FAM13B: variants seen among roughly 807,000 people sequenced by gnomAD.
FAM13B encodes protein FAM13B.
FAM13B carries 60 observed loss-of-function variants against 117.3 expected under a neutral mutation model. The ratio of observed to expected loss-of-function variants is 0.51; its 90% confidence interval spans 0.42 to 0.63. The LOEUF (loss-of-function observed/expected upper bound fraction) is 0.63. Among genes scored for constraint, FAM13B ranks in the 30% least tolerant of loss-of-function variants. The pLI is 0.00. For missense variants in FAM13B, 972 were observed against 1,091.9 expected (o/e 0.89, Z 1.55); for synonymous variants, 332 against 356.1 (o/e 0.93, Z 0.76).
intron 1 of FAM13B, among the ~76,000 whole-genome samples, chr5:138,029,719 A>C (rs1789402071): frequency 6.6e-6 from 1 of 152,258 alleles, no homozygotes; most frequent in South Asian, 2.1e-4. Flanking sequence ...TATGTCAATC[A>C]ACAAGCAGTT....
intron 7 of FAM13B, among the ~76,000 whole-genome samples, chr5:137,993,193 A>G (rs941209294): frequency 1.3e-5 from 2 of 152,204 alleles, no homozygotes; most frequent in Admixed American, 6.5e-5. Context: ...CTTAGTAGGG[A>G]GGGAGGGGAT....
At chr5:138,030,719 C>CT (rs1352669179) in intron 1 of FAM13B, among the ~76,000 whole-genome samples, 2 of 144,782 alleles carry the variant, frequency 1.4e-5, no homozygotes, top group East Asian at 4.3e-4. Flanking sequence ...CGTCCCCCCC[C>CT]CCCAAAAAAA....
rs1728028432 is a variant in FAM13B at position 138,032,960 on chromosome 5, A to AC, written c.-382dup. 5.1e-6 allele frequency: 5 copies of AC among 985,738 alleles called. No homozygotes were observed. The South Asian group carries it at 1.4e-4, about 28-fold the overall frequency. The allele number at this position is 985,738 out of a possible 1,614,324, so 61.1% of individuals were successfully genotyped here. A position where few individuals can be genotyped will look rare whatever the true frequency, so the allele number is the denominator to read the frequency against. Reference sequence around the variant, plus strand: ...TGGCGCGGGGCCAGCCCGGTAAGCGACCCCCCGGATACCCCCGGCGGTGGT... The same window carrying AC: ...TGGCGCGGGGCCAGCCCGGTAAGCGACCCCCCCGGATACCCCCGGCGGTGGT... On this transcript the variant is annotated 5_prime_UTR_variant, in exon 1 of 24. Coordinates refer to ENST00000689681, the MANE Select transcript of FAM13B (RefSeq NM_001385994.1).
chr5:138,037,926 G>C (rs1214552403), upstream of FAM13B, among the ~76,000 whole-genome samples: 1 of 152,194 alleles, frequency 6.6e-6, no homozygotes, highest in Non-Finnish European at 1.5e-5. Context: ...CTCTGGTCAA[G>C]TTACTTAACT....
At chr5:138,044,042 C>T (rs984726014) in intron 1 of FAM13B, among the ~76,000 whole-genome samples, 1 of 152,090 alleles carries the variant, frequency 6.6e-6, no homozygotes, top group African/African-American at 2.4e-5. Context: ...CCTCAACCTC[C>T]TATGTAGCTG....
chr5:138,049,932 C>T (rs763954194), intron 1 of FAM13B, among the ~76,000 whole-genome samples: 1 of 151,964 alleles, frequency 6.6e-6, no homozygotes, highest in South Asian at 2.1e-4. Context: ...TAGAGACCAA[C>T]CTGGGCAACA....
chr5:137,987,418 C>T (rs768436098), intron 9 of FAM13B, 43 bp downstream of exon 9: 2 of 1,512,270 alleles, frequency 1.3e-6, no homozygotes, highest in Admixed American at 2.0e-5. Context: ...TAAGATAAAA[C>T]AATTTTATAA....
At chr5:138,040,719 A>G (rs1442436679) in intron 1 of FAM13B, among the ~76,000 whole-genome samples, 1 of 152,114 alleles carries the variant, frequency 6.6e-6, no homozygotes, top group Non-Finnish European at 1.5e-5. Flanking sequence ...TAAAATGCAC[A>G]CATAAAATTT....
At chr5:137,999,882 C>T (rs1780779826) in intron 7 of FAM13B, among the ~76,000 whole-genome samples, 1 of 152,010 alleles carries the variant, frequency 6.6e-6, no homozygotes, top group Non-Finnish European at 1.5e-5. Flanking sequence ...CATGAGGACC[C>T]CACCCCCATG....
intron 17 of FAM13B, among the ~76,000 whole-genome samples, chr5:137,951,536 G>A (rs1362172356): frequency 6.6e-6 from 1 of 152,004 alleles, no homozygotes; most frequent in African/African-American, 2.4e-5. Context: ...GTGCATGTCT[G>A]TAGTCCTAGC....
chr5:137,947,284 T>TA (rs1234128034), intron 18 of FAM13B, among the ~76,000 whole-genome samples: 3 of 152,246 alleles, frequency 2.0e-5, no homozygotes, highest in Non-Finnish European at 4.4e-5. Flanking sequence ...AACATCTTGC[T>TA]ATAACAAATA....
chr5:138,000,787 C>A (rs776435757), intron 7 of FAM13B, among the ~76,000 whole-genome samples: 5 of 151,968 alleles, frequency 3.3e-5, no homozygotes, highest in Non-Finnish European at 7.4e-5. Context: ...AAAAATTAGT[C>A]AGGTGTGGTG....
chr5:138,037,101 T>A (rs1392700237), upstream of FAM13B: 1 of 174,882 alleles, frequency 5.7e-6, no homozygotes, highest in Non-Finnish European at 1.2e-5. Context: ...TACAAATTCT[T>A]TACCTGTAGA....
chr5:138,051,021 T>TGG (rs370903227), intron 1 of FAM13B, among the ~76,000 whole-genome samples: 1 of 150,266 alleles, frequency 6.7e-6, no homozygotes, highest in Non-Finnish European at 1.5e-5. Context: ...AGCATATTAG[T>TGG]GGGGGGGGGA....
chr5:137,988,465 T>C (rs1318061173), intron 7 of FAM13B, 150 bp from the exon 8 acceptor site: 1 of 602,870 alleles, frequency 1.7e-6, no homozygotes. Context: ...AAGTTGGAAA[T>C]ATTTTCTGAA....
At chr5:137,946,031 T>C in intron 19 of FAM13B, 34 bp from the exon 20 acceptor site, 1 of 1,538,794 alleles carries the variant, frequency 6.5e-7, no homozygotes, top group African/African-American at 1.4e-5. Context: ...TGTCTAGTCA[T>C]CACAAATCTA....
intron 1 of FAM13B, chr5:138,039,091 A>G (rs938603653): frequency 1.3e-5 from 2 of 152,240 alleles, no homozygotes; most frequent in African/African-American, 4.8e-5. Flanking sequence ...AGTGTATGAC[A>G]ATAATGTAGG....
At chr5:137,979,999 TAAA>T (rs10709915) in intron 10 of FAM13B, among the ~76,000 whole-genome samples, 8 of 95,520 alleles carry the variant, frequency 8.4e-5, no homozygotes, top group Admixed American at 2.2e-4. Context: ...CTGTCTCTAC[TAAA>T]AAAAAAAAAA....
At chr5:137,956,206 G>A (rs773763583) in intron 14 of FAM13B, among the ~76,000 whole-genome samples, 22 of 152,190 alleles carry the variant, frequency 1.4e-4, no homozygotes, top group Non-Finnish European at 2.4e-4. Flanking sequence ...GGTACAAAGC[G>A]TGCAATCCCA....
Sources: allele counts gnomAD v4.1 joint callset (sites outside exome capture counted in the v4.1 genomes callset), GRCh38; gene constraint gnomAD v4.1.1; transcripts MANE v1.5; gene names NCBI Gene and HGNC (gene_info 2026-07-23, HGNC 2026-07-21).